The following TRMU variants were observed in gnomAD, a reference collection of about 807,000 sequenced individuals.
TRMU encodes the protein mitochondrial tRNA-specific 2-thiouridylase 1.
Under a neutral mutation model 46.9 loss-of-function variants are expected in TRMU, and 49 were observed. The ratio of observed to expected loss-of-function variants is 1.05; its 90% CI spans 0.83 to 1.33. The LOEUF (loss-of-function observed/expected upper bound fraction) is 1.33. Ranked by LOEUF, TRMU falls within the 40% of genes most tolerant of loss-of-function variation. The pLI, the probability that TRMU is intolerant of heterozygous loss-of-function variation, is 0.00. For missense variants in TRMU, 572 were observed against 532.4 expected, an observed-to-expected ratio of 1.07 and a Z score of -0.73; for synonymous variants, 241 against 200.9, an observed-to-expected ratio of 1.20 and a Z score of -1.69.
chr22:46,355,948 A>G, intron 9 of TRMU, 42 bp from the exon 10 acceptor site: 1 of 1,608,948 alleles, frequency 6.2e-7, no homozygotes, highest in South Asian at 1.1e-5. Flanking sequence ...GTCGACCAGG[A>G]AAGGCCTGTG....
chr22:46,341,102 C>G (rs527280767), intron 2 of TRMU, among the ~76,000 whole-genome samples: 2 of 152,344 alleles, frequency 1.3e-5, no homozygotes, highest in South Asian at 4.1e-4. Context: ...GTCTCCCTCC[C>G]GAGGCACATG....
chr22:46,340,065 G>A (rs994481131), intron 2 of TRMU, among the ~76,000 whole-genome samples: 1 of 152,106 alleles, frequency 6.6e-6, no homozygotes, highest in Non-Finnish European at 1.5e-5. Context: ...AGTGGAAGGT[G>A]AGGGCTGGCT....
rs1206556175 is a variant in TRMU at position 46,339,338 on chromosome 22, CAG to C, written c.248+1395_248+1396del. Among the ~76,000 whole-genome samples the C allele has an allele frequency of 6.6e-6, 1 of 152,094 alleles. No homozygotes were observed. The highest frequency in any genetic ancestry group is 1.5e-5 in the Non-Finnish European group (1 of 68,010). ...ATAATTTTTGTATTTTTAGTAGAGA[CAG>C]GGTTTCGCCATGTTGGCCGGGCTAG... is the stretch of plus-strand genomic sequence containing the variant. On this transcript the variant is annotated intron_variant, in intron 2 of 10. Coordinates refer to ENST00000645190, the MANE Select transcript of TRMU (RefSeq NM_018006.5). The surrounding 1 kb of genome is among the most constrained non-coding windows in gnomAD (Gnocchi z 4.8).
At chr22:46,346,716 C>T (rs534074881) in intron 4 of TRMU, among the ~76,000 whole-genome samples, 172 bp downstream of exon 4, 23 of 152,304 alleles carry the variant, frequency 1.5e-4, no homozygotes, top group Admixed American at 7.8e-4. Flanking sequence ...GACATTTTCC[C>T]GGAGGGCCTG....
chr22:46,353,564 G>C (rs2078501700), intron 7 of TRMU: 3 of 527,960 alleles, frequency 5.7e-6, no homozygotes, highest in Non-Finnish European at 1.1e-5. Context: ...CCCATGTCCA[G>C]CCCAGGCCTG....
chr22:46,356,597 A>C, intron 10 of TRMU: 1 of 559,300 alleles, frequency 1.8e-6, no homozygotes, highest in Non-Finnish European at 3.2e-6. Flanking sequence ...GTCCCAGGAG[A>C]GGCCCCTGTG....
At chr22:46,341,275 CTG>C (rs2078115858) in intron 2 of TRMU, among the ~76,000 whole-genome samples, 1 of 152,238 alleles carries the variant, frequency 6.6e-6, no homozygotes, top group Non-Finnish European at 1.5e-5. Flanking sequence ...TTATTGATGA[CTG>C]TGATATAGAA....
chr22:46,336,693 A>G lies in TRMU; in HGVS notation c.82+847A>G, dbSNP rs1185012634. ...TACGCAGAAAACAGTAGTGGCTATT[A>G]GTTTATATTGTTAATAACCATAGCT... On this transcript the variant is annotated intron_variant, in intron 1 of 10. Coordinates refer to ENST00000645190, the MANE Select transcript of TRMU (RefSeq NM_018006.5). The surrounding 1 kb of genome is among the most constrained non-coding windows in gnomAD (Gnocchi z 4.1). The G allele has an allele frequency of 6.6e-6, 1 of 152,252 alleles. No individual in the cohort carries two copies. Among genetic ancestry groups the G allele is most frequent in the Non-Finnish European group, 1.5e-5 (1 of 68,068 alleles). 9.4% of individuals were successfully genotyped at this position (152,252 alleles called of 1,614,324 possible).
At position 46,339,364 on chromosome 22, in the gene TRMU, A is replaced by G. The variant is rs1162967534; in HGVS notation, c.248+1420A>G. On this transcript the variant is annotated intron_variant, in intron 2 of 10. Transcript: ENST00000645190. This position sits in a 1 kb window ranked among gnomAD's most constrained non-coding sequence, Gnocchi z 4.8. ...AGGGTTTCGCCATGTTGGCCGGGCT[A>G]GTCTCAGACTCCTGACCTCAGAAGA... Among the ~76,000 whole-genome samples the G allele has an allele frequency of 1.3e-5, 2 of 152,200 alleles. No individual in the cohort carries two copies. Among genetic ancestry groups the G allele is most frequent in the African/African-American group, 2.4e-5 (1 of 41,462 alleles).
At chr22:46,341,855 C>T (rs1463771530) in intron 2 of TRMU, among the ~76,000 whole-genome samples, 1 of 152,186 alleles carries the variant, frequency 6.6e-6, no homozygotes, top group Non-Finnish European at 1.5e-5. Context: ...GTGTTTGTCA[C>T]CTGAGGATAG....
Position 46,339,535 on chromosome 22 carries a change from CTG to C in TRMU, c.248+1592_248+1593del, listed in dbSNP as rs552063592. 6.9e-4 allele frequency among the ~76,000 whole-genome samples: 105 copies of C among 152,254 alleles called. No homozygotes were observed. Among genetic ancestry groups the C allele is most frequent in the African/African-American group, 2.4e-3 (100 of 41,540 alleles). On this transcript the variant is annotated intron_variant, in intron 2 of 10. Transcript: ENST00000645190. This position sits in a 1 kb window ranked among gnomAD's most constrained non-coding sequence, Gnocchi z 4.8. Reference sequence around the variant, plus strand: ...AGGCATAAAAATGATATAATGGACTCTGGGGTGAGGGATAAAAGACTACACAT... The same window carrying C: ...AGGCATAAAAATGATATAATGGACTCGGGTGAGGGATAAAAGACTACACAT...
intron 7 of TRMU, 143 bp from the exon 8 acceptor site, chr22:46,353,620 GTGGT>G: frequency 1.4e-6 from 1 of 715,642 alleles, no homozygotes; most frequent in Admixed American, 2.0e-5. Context: ...GCTGGCTTTG[GTGGT>G]TGGAGAATCG....
rs2078598365 is a variant in TRMU, at chr22:46,356,074, T to G, written c.1101+2T>G. On this transcript the variant is annotated splice_donor_variant, in intron 10 of 10. Transcript: ENST00000645190. LOFTEE classifies it high-confidence loss of function. ...GTGCGTGCCCTTGCCACAGGACAGG[T>G]GCGTGGGGTGTGGGGGTGAGCCCGG... The G allele has an allele frequency of 6.2e-7, 1 of 1,613,614 alleles. No individual in the cohort carries two copies. Among genetic ancestry groups the G allele is most frequent in the Non-Finnish European group, 8.5e-7 (1 of 1,179,910 alleles).
chr22:46,335,743 G>T lies in TRMU; in HGVS notation c.-22G>T. The T allele has an allele frequency of 1.3e-6, 2 of 1,545,564 alleles. No homozygotes were observed. The highest frequency in any genetic ancestry group is 1.7e-6 in the Non-Finnish European group (2 of 1,148,862). ...CGCGGAAGCGGCGGTAGCTGCAGCT[G>T]GCGAAGTTGGGCGACTGGCGGATGC... On this transcript the variant is annotated 5_prime_UTR_variant, in exon 1 of 11. Transcript: ENST00000645190.
In TRMU at chr22:46,339,513, C is replaced by T. The variant is rs1165408010; in HGVS notation, c.248+1569C>T. Among the ~76,000 whole-genome samples the T allele has an allele frequency of 1.3e-5, 2 of 152,010 alleles. No homozygotes were observed. The highest frequency in any genetic ancestry group is 4.8e-5 in the African/African-American group (2 of 41,396). ...GAGCTAAGCTATGAGGACGCAAAGG[C>T]ATAAAAATGATATAATGGACTCTGG... is the stretch of plus-strand genomic sequence containing the variant. On this transcript the variant is annotated intron_variant, in intron 2 of 10. Transcript: ENST00000645190. The surrounding 1 kb of genome is among the most constrained non-coding windows in gnomAD (Gnocchi z 4.8).
chr22:46,338,128 C>G lies in TRMU; in HGVS notation c.248+184C>G. 1.4e-6 allele frequency: 1 copy of G among 707,580 alleles called. No individual in the cohort carries two copies. Among genetic ancestry groups the G allele is most frequent in the South Asian group, 1.6e-5 (1 of 62,526 alleles). The allele number at this position is 707,580 out of a possible 1,614,324, so 43.8% of individuals were successfully genotyped here. A position where few individuals can be genotyped will look rare whatever the true frequency, so the allele number is the denominator to read the frequency against. On this transcript the variant is annotated intron_variant, in intron 2 of 10. Transcript: ENST00000645190. The surrounding 1 kb of genome is among the most constrained non-coding windows in gnomAD (Gnocchi z 4.5). ...CTCTGTGTTAGAGGCGAGGCCTGGA[C>G]CCCACAGCACACCCAGCTCTCTCAC...
At position 46,352,152 on chromosome 22, in the gene TRMU, A is replaced by G. The variant is rs1478428932; in HGVS notation, c.683A>G (p.Asn228Ser). ...SMGMCFIGKRNFEHFLLQYLQ... is the reference protein window; with the variant it reads ...SMGMCFIGKRSFEHFLLQYLQ... ...GGCATGTGTTTCATCGGGAAGAGGA[A>G]TTTTGAACATTTCCTTCTTCAGGTG... Residue 228 changes from asparagine (N) to serine (S), a missense_variant, in exon 6 of 11, where the codon AAT becomes AGT. By Grantham distance (46) the Asn-to-Ser change is conservative. Coordinates refer to ENST00000645190, the MANE Select transcript of TRMU (RefSeq NM_018006.5). 1 of 1,613,968 alleles carries G rather than the reference A, an allele frequency of 6.2e-7. No individual in the cohort carries two copies. The highest frequency in any genetic ancestry group is 1.1e-5 in the South Asian group (1 of 91,062).
intron 7 of TRMU, chr22:46,353,229 GA>G (rs2078490718): frequency 1.1e-5 from 2 of 182,464 alleles, no homozygotes; most frequent in Non-Finnish European, 2.4e-5. Flanking sequence ...TCACTTCACT[GA>G]AGAAGGCTGC....
intron 1 of TRMU, 145 bp from the exon 2 acceptor site, chr22:46,337,634 C>A: frequency 9.7e-7 from 1 of 1,031,484 alleles, no homozygotes; most frequent in Non-Finnish European, 1.5e-6. Context: ...CCTGAAGCCA[C>A]ATGGCAAAGC....
Sources: allele counts gnomAD v4.1 joint callset (sites outside exome capture counted in the v4.1 genomes callset), GRCh38; gene constraint gnomAD v4.1.1; non-coding constraint Gnocchi (gnomAD v3.1); transcripts MANE v1.5; gene names NCBI Gene and HGNC (gene_info 2026-07-23, HGNC 2026-07-21).